KRAS: variants seen among roughly 807,000 people sequenced by gnomAD.
The protein encoded by KRAS is KRas proto-oncogene, GTPase.
In KRAS, 1 loss-of-function variant was observed where a neutral mutation model predicts 21.0. That is an observed-to-expected ratio of 0.05 (90% CI 0.02 to 0.23). The LOEUF (loss-of-function observed/expected upper bound fraction) is 0.23, where lower values mean the gene tolerates loss of function less well. KRAS is among the 10% of genes least tolerant of loss of function. The pLI, the probability that KRAS is intolerant of heterozygous loss-of-function variation, is 1.00. For missense variants in KRAS, 107 were observed against 221.8 expected (o/e 0.48, Z 3.29); for synonymous variants, 67 against 72.5 (o/e 0.92, Z 0.39).
chr12:25,218,949 T>C (rs1452816132), intron 4 of KRAS, among the ~76,000 whole-genome samples: 1 of 151,040 alleles, frequency 6.6e-6, no homozygotes, highest in Non-Finnish European at 1.5e-5. Context: ...TTTTTTGTTT[T>C]TTTTTTTTGA....
chr12:25,212,115 C>T (rs1951205675), intron 4 of KRAS, among the ~76,000 whole-genome samples: 1 of 152,158 alleles, frequency 6.6e-6, no homozygotes, highest in South Asian at 2.1e-4. Flanking sequence ...ATTTACTTGA[C>T]AGTTTAGAAT....
intron 1 of KRAS, among the ~76,000 whole-genome samples, chr12:25,250,195 C>T (rs1027640733): frequency 2.0e-5 from 3 of 152,216 alleles, no homozygotes; most frequent in African/African-American, 7.2e-5. Flanking sequence ...CTCACACATC[C>T]CCTACACACG....
chr12:25,212,998 A>C (rs1029278032), intron 4 of KRAS, among the ~76,000 whole-genome samples: 1 of 152,186 alleles, frequency 6.6e-6, no homozygotes. Flanking sequence ...TCCTGGGGTC[A>C]GGCAATCCTC....
chr12:25,246,209 GA>G (rs1951678646), intron 1 of KRAS, among the ~76,000 whole-genome samples: 1 of 146,952 alleles, frequency 6.8e-6, no homozygotes. Context: ...AGAGAACTCC[GA>G]ATTAACTGTT....
At position 25,208,125 on chromosome 12, in the gene KRAS, T is replaced by C. The variant is rs532064692; in HGVS notation, c.*1670A>G. On this transcript the variant is annotated 3_prime_UTR_variant, in exon 5 of 5. Transcript: ENST00000311936. ...TACAGATTGTGCTGAGCTTGACAAATAAGTGTATCCTTATGTAAATGGAAT... is the reference window on the plus strand; with the variant it reads ...TACAGATTGTGCTGAGCTTGACAAACAAGTGTATCCTTATGTAAATGGAAT... The C allele has an allele frequency of 1.3e-4, 31 of 232,782 alleles. No homozygotes were observed. Among genetic ancestry groups the C allele is most frequent in the Admixed American group, 9.6e-4 (17 of 17,728 alleles). The allele number at this position is 232,782 out of a possible 1,614,324, so 14.4% of individuals were successfully genotyped here. A position where few individuals can be genotyped will look rare whatever the true frequency, so the allele number is the denominator to read the frequency against.
intron 2 of KRAS, among the ~76,000 whole-genome samples, chr12:25,241,689 A>AG (rs1951612288): frequency 6.6e-6 from 1 of 152,192 alleles, no homozygotes; most frequent in South Asian, 2.1e-4. Context: ...CGTGCACTGC[A>AG]GGAAGTTTAA....
In KRAS at chr12:25,209,725, A is replaced by G; in HGVS notation, c.*70T>C. On this transcript the variant is annotated 3_prime_UTR_variant, in exon 5 of 5. Coordinates refer to ENST00000311936, the MANE Select transcript of KRAS (RefSeq NM_004985.5). ...TTAGGTAATGCTAAAACAAATGCTA[A>G]TAATTTAGTGTAATGTACAAAAATT... The G allele has an allele frequency of 6.4e-7, 1 of 1,568,444 alleles. No homozygotes were observed. Among genetic ancestry groups the G allele is most frequent in the Non-Finnish European group, 8.6e-7 (1 of 1,158,162 alleles).
chr12:25,250,635 C>A lies in KRAS; in HGVS notation c.-12+116G>T, dbSNP rs61759619. 0.011 allele frequency: 1,855 copies of A among 168,882 alleles called. 15 individuals are homozygous for A. Among genetic ancestry groups the A allele is most frequent in the Non-Finnish European group, 0.017 (1,298 of 77,374 alleles). The allele number at this position is 168,882 out of a possible 1,614,324, so 10.5% of individuals were successfully genotyped here. A position where few individuals can be genotyped will look rare whatever the true frequency, so the allele number is the denominator to read the frequency against. ...CCCGCCCCGACCCCGCGCCCGCGCC[C>A]CCCACCCGCCCCTCCGGGGACCCCT... On this transcript the variant is annotated intron_variant, in intron 1 of 4. Transcript: ENST00000311936.
chr12:25,217,880 C>A (rs1393714545), intron 4 of KRAS, among the ~76,000 whole-genome samples: 1 of 152,132 alleles, frequency 6.6e-6, no homozygotes, highest in Non-Finnish European at 1.5e-5. Flanking sequence ...GGCAACAGAG[C>A]AAGACCCTGT....
At chr12:25,247,754 GATC>G (rs1232806370) in intron 1 of KRAS, among the ~76,000 whole-genome samples, 6 of 152,230 alleles carry the variant, frequency 3.9e-5, no homozygotes, top group African/African-American at 9.6e-5. Context: ...CCAGATGTGT[GATC>G]ATAATAGATT....
intron 2 of KRAS, chr12:25,234,961 A>T (rs1174366610): frequency 1.0e-5 from 3 of 285,792 alleles, no homozygotes; most frequent in Non-Finnish European, 2.0e-5. Context: ...TACTAAAGGT[A>T]ATCATATTAC....
At chr12:25,218,334 T>C (rs1166701836) in intron 4 of KRAS, among the ~76,000 whole-genome samples, 1 of 148,224 alleles carries the variant, frequency 6.7e-6, no homozygotes, top group Non-Finnish European at 1.5e-5. Context: ...ATTTTGATTT[T>C]AACTTATTTC....
intron 2 of KRAS, among the ~76,000 whole-genome samples, chr12:25,240,420 T>A (rs1951596431): frequency 6.6e-6 from 1 of 152,126 alleles, no homozygotes; most frequent in Non-Finnish European, 1.5e-5. Context: ...ATCCATGAAG[T>A]TCCGAAAAGT....
intron 2 of KRAS, among the ~76,000 whole-genome samples, chr12:25,230,575 C>T (rs12228878): frequency 0.022 from 3,302 of 152,268 alleles, 47 homozygotes; most frequent in Non-Finnish European, 0.031. Flanking sequence ...TTACGGTGAG[C>T]TGAGATTGTG....
chr12:25,227,555 C>T (rs888765519), intron 2 of KRAS, 143 bp from the exon 3 acceptor site: 9 of 677,662 alleles, frequency 1.3e-5, no homozygotes, highest in South Asian at 3.6e-5. Flanking sequence ...CCAAAGATGA[C>T]GGACAAATGG....
intron 4 of KRAS, among the ~76,000 whole-genome samples, chr12:25,216,701 G>A (rs998062460): frequency 1.3e-5 from 2 of 152,074 alleles, no homozygotes; most frequent in Non-Finnish European, 2.9e-5. Flanking sequence ...ATGACAACAG[G>A]TACAATCATA....
intron 4 of KRAS, among the ~76,000 whole-genome samples, chr12:25,216,540 C>T (rs1420053105): frequency 1.3e-5 from 2 of 152,138 alleles, no homozygotes; most frequent in Admixed American, 1.3e-4. Flanking sequence ...CTCCTAAGGG[C>T]TGGGATTACA....
rs1951407606 is a variant in KRAS at position 25,227,389 on chromosome 12, T to C, written c.135A>G (p.Val45=). The C allele has an allele frequency of 1.2e-6, 2 of 1,614,058 alleles. No homozygotes were observed. The highest frequency in any genetic ancestry group is 1.7e-6 in the Non-Finnish European group (2 of 1,179,960). The change falls in exon 3 of 5, where the codon GTA becomes GTG. Residue 45 remains valine, a synonymous_variant. Coordinates refer to ENST00000311936, the MANE Select transcript of KRAS (RefSeq NM_004985.5). Reference sequence around the variant, plus strand: ...CCAAGAGACAGGTTTCTCCATCAATTACTACTTGCTTCCTGTAGGAATCCT... The same window carrying C: ...CCAAGAGACAGGTTTCTCCATCAATCACTACTTGCTTCCTGTAGGAATCCT... The part of the protein sequence containing the change: ...TIEDSYRKQV[V]IDGETCLLDI...
At chr12:25,229,200 T>C (rs1011827074) in intron 2 of KRAS, among the ~76,000 whole-genome samples, 27 of 152,330 alleles carry the variant, frequency 1.8e-4, no homozygotes, top group South Asian at 2.1e-4. Flanking sequence ...CAAAAAGTTA[T>C]TGACAAAACA....
Sources: gnomAD v4.1 joint callset for allele counts (sites outside exome capture counted in the v4.1 genomes callset) on GRCh38, gnomAD v4.1.1 for gene constraint, MANE v1.5 for transcripts, NCBI Gene and HGNC (gene_info 2026-07-23, HGNC 2026-07-21) for gene names.